PDE11A: variants seen among roughly 807,000 people sequenced by gnomAD.
PDE11A encodes the protein phosphodiesterase 11A.
In PDE11A, 100 loss-of-function variants were observed where a neutral mutation model predicts 100.5. The observed-to-expected ratio is 1.00, with a 90% CI of 0.85 to 1.18. The LOEUF is 1.18. Ranked by LOEUF, PDE11A falls within the 50% of genes most tolerant of loss-of-function variation. The pLI is 0.00. For synonymous variants in PDE11A, 381 were observed against 420.8 expected, an observed-to-expected ratio of 0.91 and a Z score of 1.16; for missense variants, 1,141 against 1,152.6, an observed-to-expected ratio of 0.99 and a Z score of 0.15.
chr2:177,741,234 G>A (rs2081866977), intron 10 of PDE11A, among the ~76,000 whole-genome samples: 1 of 152,154 alleles, frequency 6.6e-6, no homozygotes, highest in East Asian at 1.9e-4. Context: ...TCTCTCCTTG[G>A]CTTGTGGATG....
At chr2:177,768,693 G>A (rs1462199081) in intron 10 of PDE11A, among the ~76,000 whole-genome samples, 1 of 152,194 alleles carries the variant, frequency 6.6e-6, no homozygotes, top group Non-Finnish European at 1.5e-5. Flanking sequence ...AGACTCATCA[G>A]ATGTTGGAGT....
At chr2:177,852,486 T>A (rs766716320) in intron 5 of PDE11A, among the ~76,000 whole-genome samples, 15 of 152,104 alleles carry the variant, frequency 9.9e-5, no homozygotes, top group Non-Finnish European at 1.3e-4. Flanking sequence ...ATTCCTTACT[T>A]TTTTCCCCCT....
intron 10 of PDE11A, among the ~76,000 whole-genome samples, chr2:177,750,018 C>T (rs141026562): frequency 3.9e-5 from 6 of 152,312 alleles, no homozygotes; most frequent in African/African-American, 1.2e-4. Context: ...ACATAAGAAA[C>T]CTTGCCACTT....
rs188328475 is a variant in PDE11A, at chr2:177,891,010, C to T, written c.1302+7048G>A. ...ACATAGAATTTCATTAAATAAACTT[C>T]TATTGATATTTGAATTATTTACATT... On this transcript the variant is annotated intron_variant, in intron 4 of 19. Transcript: ENST00000286063. Among the ~76,000 whole-genome samples the T allele has an allele frequency of 2.2e-3, 342 of 152,186 alleles. 2 individuals carry two copies. The highest frequency in any genetic ancestry group is 7.9e-3 in the African/African-American group (329 of 41,524).
intron 2 of PDE11A, among the ~76,000 whole-genome samples, chr2:177,962,237 GA>G (rs1256732228): frequency 6.6e-6 from 1 of 151,880 alleles, no homozygotes; most frequent in Non-Finnish European, 1.5e-5. Flanking sequence ...ACTTCCTAAA[GA>G]AGGTCATATA....
At chr2:177,912,429 C>T (rs555154968) in intron 2 of PDE11A, among the ~76,000 whole-genome samples, 2 of 152,292 alleles carry the variant, frequency 1.3e-5, no homozygotes, top group East Asian at 3.9e-4. Flanking sequence ...GTAGCATCAA[C>T]ATCTATTCTC....
intron 6 of PDE11A, 85 bp from the exon 7 acceptor site, chr2:177,820,380 A>T: frequency 1.2e-6 from 1 of 815,580 alleles, no homozygotes; most frequent in Non-Finnish European, 2.1e-6. Context: ...CATAACAGAT[A>T]TTCAAAAATA....
intron 3 of PDE11A, among the ~76,000 whole-genome samples, chr2:177,899,831 A>C (rs2084670062): frequency 6.6e-6 from 1 of 151,010 alleles, no homozygotes; most frequent in Non-Finnish European, 1.5e-5. Flanking sequence ...ACCCAAGAGG[A>C]AATACTGCTT....
chr2:177,731,664 T>C (rs1359874680), intron 10 of PDE11A, among the ~76,000 whole-genome samples: 4 of 152,214 alleles, frequency 2.6e-5, no homozygotes, highest in Non-Finnish European at 1.5e-5. Flanking sequence ...TATGGGGCTC[T>C]AACTGCTTCT....
intron 2 of PDE11A, among the ~76,000 whole-genome samples, chr2:177,942,306 T>C (rs1024470372): frequency 1.3e-5 from 2 of 152,206 alleles, no homozygotes; most frequent in East Asian, 1.9e-4. Context: ...AGATTAACCA[T>C]GTAAGGCATT....
At chr2:178,026,478 T>C (rs982876193) in intron 1 of PDE11A, among the ~76,000 whole-genome samples, 6 of 151,994 alleles carry the variant, frequency 3.9e-5, no homozygotes, top group Non-Finnish European at 7.4e-5. Flanking sequence ...CTGGCCAACA[T>C]GGTGAAACCC....
chr2:177,897,412 C>A (rs1022976725), intron 4 of PDE11A, among the ~76,000 whole-genome samples: 4 of 152,190 alleles, frequency 2.6e-5, no homozygotes, highest in African/African-American at 9.7e-5. Context: ...GCAGCAGGAA[C>A]CCCTGCAGGG....
intron 2 of PDE11A, among the ~76,000 whole-genome samples, chr2:178,080,784 T>G (rs1460513912): frequency 6.6e-6 from 1 of 152,006 alleles, no homozygotes; most frequent in Non-Finnish European, 1.5e-5. Context: ...GAAATATTAC[T>G]CCCAAGAGTA....
At chr2:177,634,277 TTC>T (rs1341336037) in intron 19 of PDE11A, among the ~76,000 whole-genome samples, 1 of 152,188 alleles carries the variant, frequency 6.6e-6, no homozygotes, top group African/African-American at 2.4e-5. Context: ...TTGTTTTATA[TTC>T]TCCTGAAACA....
In PDE11A at chr2:177,639,919, C is replaced by G. The variant is rs540531970; in HGVS notation, c.2647-10357G>C. ...ATTAAAACCAGATTAGTGTTTGAACCTGAAAATGTCCAACGGTGTCATTAA... is the reference window on the plus strand; with the variant it reads ...ATTAAAACCAGATTAGTGTTTGAACGTGAAAATGTCCAACGGTGTCATTAA... On this transcript the variant is annotated intron_variant, in intron 19 of 19. Transcript: ENST00000286063. 2.6e-5 allele frequency among the ~76,000 whole-genome samples: 4 copies of G among 152,204 alleles called. No homozygotes were observed. In the South Asian group the frequency reaches 8.3e-4, roughly 32 times the overall value.
At chr2:177,784,318 T>C (rs903549301) in intron 9 of PDE11A, among the ~76,000 whole-genome samples, 15 of 151,600 alleles carry the variant, frequency 9.9e-5, no homozygotes, top group African/African-American at 3.4e-4. Flanking sequence ...AATTATAATA[T>C]ATTAGCATAC....
At chr2:177,637,759 G>A (rs767865089) in intron 19 of PDE11A, among the ~76,000 whole-genome samples, 1 of 150,646 alleles carries the variant, frequency 6.6e-6, no homozygotes, top group Non-Finnish European at 1.5e-5. Flanking sequence ...CATTGGCATT[G>A]TCTCACAGCT....
At chr2:177,825,205 AAGGCC>A (rs1004365564) in intron 6 of PDE11A, among the ~76,000 whole-genome samples, 6 of 152,304 alleles carry the variant, frequency 3.9e-5, no homozygotes, top group South Asian at 4.1e-4. Context: ...GGAAGAGAGG[AAGGCC>A]ATAATGAGAA....
chr2:177,835,424 C>A (rs906863612), intron 6 of PDE11A, among the ~76,000 whole-genome samples: 9 of 152,206 alleles, frequency 5.9e-5, no homozygotes, highest in African/African-American at 2.2e-4. Flanking sequence ...GGATACTCCC[C>A]TCGGATGCAT....
Sources: allele counts gnomAD v4.1 joint callset (sites outside exome capture counted in the v4.1 genomes callset), GRCh38; gene constraint gnomAD v4.1.1; transcripts MANE v1.5; gene names NCBI Gene and HGNC (gene_info 2026-07-23, HGNC 2026-07-21).